Variants in FOXN3 observed in about 807,000 individuals in gnomAD.
The protein encoded by FOXN3 is forkhead box protein N3.
A neutral mutation model predicts 38.4 loss-of-function variants in FOXN3; 7 were observed. The ratio of observed to expected loss-of-function variants is 0.18; its 90% confidence interval spans 0.10 to 0.34. The LOEUF (loss-of-function observed/expected upper bound fraction) is 0.34. Among genes scored for constraint, FOXN3 ranks in the 10% least tolerant of loss-of-function variants. The pLI, the probability that FOXN3 is intolerant of heterozygous loss-of-function variation, is 1.00. For synonymous variants in FOXN3, 230 were observed against 242.2 expected (o/e 0.95, Z 0.47); for missense variants, 456 against 613.4 (o/e 0.74, Z 2.71).
chr14:89,608,919 G>C (rs191941655), intron 1 of FOXN3, among the ~76,000 whole-genome samples: 43 of 152,292 alleles, frequency 2.8e-4, no homozygotes. Flanking sequence ...GGGAAGGAAG[G>C]CTCACTGTAG....
intron 1 of FOXN3, among the ~76,000 whole-genome samples, chr14:89,508,158 C>G (rs1449051284): frequency 6.6e-6 from 1 of 152,160 alleles, no homozygotes; most frequent in Non-Finnish European, 1.5e-5. Flanking sequence ...TCCATCTACC[C>G]TTGAAGGCAA....
At chr14:89,535,276 A>G (rs1894662985) in intron 1 of FOXN3, among the ~76,000 whole-genome samples, 1 of 151,664 alleles carries the variant, frequency 6.6e-6, no homozygotes. Flanking sequence ...GAAACAGTCC[A>G]TATAAGAACA....
At chr14:89,354,277 G>A (rs1462798500) in intron 2 of FOXN3, among the ~76,000 whole-genome samples, 1 of 151,278 alleles carries the variant, frequency 6.6e-6, no homozygotes, top group African/African-American at 2.4e-5. Context: ...GCCCAGGCTG[G>A]AGCGCAGTGG....
chr14:89,585,769 A>AG (rs1164354499), intron 1 of FOXN3, among the ~76,000 whole-genome samples: 3 of 151,808 alleles, frequency 2.0e-5, no homozygotes, highest in Admixed American at 1.3e-4. Flanking sequence ...AAAAAAAAAA[A>AG]AAAGAAAGGA....
intron 3 of FOXN3, among the ~76,000 whole-genome samples, chr14:89,287,261 C>A (rs1398815423): frequency 1.3e-5 from 2 of 152,156 alleles, no homozygotes; most frequent in East Asian, 1.9e-4. Flanking sequence ...TCAAGCAATT[C>A]TCCTGCCTTA....
chr14:89,345,476 C>G (rs1380904605), intron 3 of FOXN3, among the ~76,000 whole-genome samples: 2 of 152,088 alleles, frequency 1.3e-5, no homozygotes, highest in Non-Finnish European at 1.5e-5. Context: ...TGTCACAACA[C>G]TGGTATACTA....
rs533696831 is a variant in FOXN3 at position 89,343,730 on chromosome 14, A to T, written c.680+6942T>A. ...AAATGTCTGGAATTTATTCCAAAAA[A>T]AAAAAAAAGATGAGAGTAAAAGAAA... On this transcript the variant is annotated intron_variant, in intron 3 of 5. Coordinates refer to ENST00000557258, the MANE Select transcript of FOXN3 (RefSeq NM_005197.4). Among the ~76,000 whole-genome samples, 4 of 151,756 alleles carry T rather than the reference A, an allele frequency of 2.6e-5. No homozygotes were observed. In the South Asian group the frequency reaches 8.3e-4, roughly 31 times the overall value.
chr14:89,572,627 C>T (rs1263661872), intron 1 of FOXN3, among the ~76,000 whole-genome samples: 1 of 152,198 alleles, frequency 6.6e-6, no homozygotes, highest in East Asian at 1.9e-4. Context: ...TCTTCTGCTC[C>T]TTTTCTGAAT....
chr14:89,298,133 C>T (rs923994419), intron 3 of FOXN3, among the ~76,000 whole-genome samples: 7 of 152,158 alleles, frequency 4.6e-5, no homozygotes, highest in East Asian at 1.9e-4. Flanking sequence ...CCCTCACATA[C>T]GTTATAACAT....
At chr14:89,181,647 C>T (rs138979022) in intron 4 of FOXN3, among the ~76,000 whole-genome samples, 1 of 152,310 alleles carries the variant, frequency 6.6e-6, no homozygotes, top group East Asian at 1.9e-4. Flanking sequence ...CAGCAACCAT[C>T]AGATCTTGTC....
intron 1 of FOXN3, among the ~76,000 whole-genome samples, chr14:89,495,217 T>A (rs1893656077): frequency 6.6e-6 from 1 of 152,182 alleles, no homozygotes; most frequent in African/African-American, 2.4e-5. Flanking sequence ...TGTGTTTCAC[T>A]TGAATACAAT....
intron 3 of FOXN3, among the ~76,000 whole-genome samples, chr14:89,343,207 T>G (rs551128471): frequency 1.3e-5 from 2 of 152,348 alleles, no homozygotes; most frequent in Non-Finnish European, 2.9e-5. Context: ...AATTCAGCAT[T>G]CTGAGTGGAG....
At chr14:89,592,511 T>C (rs1300774808) in intron 1 of FOXN3, among the ~76,000 whole-genome samples, 3 of 152,178 alleles carry the variant, frequency 2.0e-5, no homozygotes, top group Non-Finnish European at 4.4e-5. Flanking sequence ...TCTGTTCACA[T>C]AGAAAAGATG....
intron 2 of FOXN3, among the ~76,000 whole-genome samples, chr14:89,381,011 G>A (rs913465578): frequency 1.4e-4 from 21 of 151,798 alleles, no homozygotes; most frequent in Non-Finnish European, 2.1e-4. Context: ...GTGTGGTGGC[G>A]TGTGCCCATA....
chr14:89,273,438 G>A lies in FOXN3; in HGVS notation c.745+7512C>T, dbSNP rs78524946. Among the ~76,000 whole-genome samples, 7 of 152,276 alleles carry A rather than the reference G, an allele frequency of 4.6e-5. No homozygotes were observed. In the South Asian group the frequency reaches 1.2e-3, roughly 27 times the overall value. On this transcript the variant is annotated intron_variant, in intron 4 of 5. Transcript: ENST00000557258. ...TTTGGTTAAAATGGTTACTATAGAC[G>A]GGTAGCGGGAAGAGCTGAAATTAAA...
At chr14:89,331,467 G>A (rs975575383) in intron 3 of FOXN3, among the ~76,000 whole-genome samples, 4 of 138,478 alleles carry the variant, frequency 2.9e-5, no homozygotes, top group African/African-American at 7.5e-5. Flanking sequence ...GGACGTTTGC[G>A]TTGTTTCCCT....
intron 4 of FOXN3, chr14:89,190,511 T>C (rs947225584): frequency 2.9e-6 from 4 of 1,385,190 alleles, no homozygotes; most frequent in Middle Eastern, 1.8e-4. Flanking sequence ...TGTGTGTTTT[T>C]CCCCCTGCAA....
chr14:89,420,293 G>A (rs1044045500), upstream of FOXN3, among the ~76,000 whole-genome samples: 3 of 152,140 alleles, frequency 2.0e-5, no homozygotes, highest in Admixed American at 1.3e-4. Context: ...ACTCCCCTAC[G>A]CGCATGGCCC....
At chr14:89,345,094 G>A (rs1423458109) in intron 3 of FOXN3, among the ~76,000 whole-genome samples, 1 of 152,012 alleles carries the variant, frequency 6.6e-6, no homozygotes, top group African/African-American at 2.4e-5. Flanking sequence ...GCTCAGCCAC[G>A]GGTACTCTAC....
Sources: gnomAD v4.1 joint callset for allele counts (sites outside exome capture counted in the v4.1 genomes callset) on GRCh38, gnomAD v4.1.1 for gene constraint, MANE v1.5 for transcripts, NCBI Gene and HGNC (gene_info 2026-07-23, HGNC 2026-07-21) for gene names.